Variants in SEMA6D observed in about 807,000 individuals in gnomAD.
SEMA6D encodes the protein semaphorin-6D.
In SEMA6D, 35 loss-of-function variants were observed where a neutral mutation model predicts 106.6. The observed-to-expected ratio is 0.33, with a 90% CI of 0.25 to 0.44. The LOEUF (loss-of-function observed/expected upper bound fraction) is 0.44. Among genes scored for constraint, SEMA6D ranks in the 20% least tolerant of loss-of-function variants. The pLI is 1.00. For synonymous variants in SEMA6D, 499 were observed against 487.7 expected (o/e 1.02, Z -0.31); for missense variants, 1,185 against 1,345.9 (o/e 0.88, Z 1.87).
chr15:47,708,122 C>T (rs2078948207), intron 4 of SEMA6D, among the ~76,000 whole-genome samples: 1 of 152,192 alleles, frequency 6.6e-6, no homozygotes, highest in African/African-American at 2.4e-5. Flanking sequence ...TATCCTCCGG[C>T]TTGAGACAGC....
At chr15:47,715,185 A>G (rs1393047802), upstream of SEMA6D, among the ~76,000 whole-genome samples, 1 of 152,190 alleles carries the variant, frequency 6.6e-6, no homozygotes, top group African/African-American at 2.4e-5. Flanking sequence ...ACCATGAAAC[A>G]GTGTGGCACA....
At chr15:47,707,687 T>C (rs963317831) in intron 4 of SEMA6D, among the ~76,000 whole-genome samples, 1 of 152,220 alleles carries the variant, frequency 6.6e-6, no homozygotes, top group African/African-American at 2.4e-5. Context: ...GGATTTCCTC[T>C]TACTTTTTCA....
At chr15:47,572,855 T>G (rs1332332622) in intron 3 of SEMA6D, among the ~76,000 whole-genome samples, 5 of 152,208 alleles carry the variant, frequency 3.3e-5, no homozygotes, top group Non-Finnish European at 7.3e-5. Context: ...TGCCAGATAC[T>G]ATGTTAGGTT....
At position 47,767,098 on chromosome 15, in the gene SEMA6D, G is replaced by GT. The variant is rs768641948; in HGVS notation, c.1765+13dup. On this transcript the variant is annotated splice_donor_region_variant and intron_variant, in intron 17 of 18. Transcript: ENST00000536845. ...TATTTGGCGGTCCAACATCTGGTTA[G>GT]TTTTTTTTAATTTTTTTGAATTAAC... 1.3e-3 allele frequency: 2,041 copies of GT among 1,555,198 alleles called. 5 individuals carry two copies. Among genetic ancestry groups the GT allele is most frequent in the Non-Finnish European group, 1.7e-3 (1,927 of 1,145,492 alleles).
At chr15:47,400,347 G>A (rs373971461) in intron 1 of SEMA6D, among the ~76,000 whole-genome samples, 1 of 151,876 alleles carries the variant, frequency 6.6e-6, no homozygotes, top group Non-Finnish European at 1.5e-5. Context: ...AAAATTAGCC[G>A]GTGTGGTGGT....
rs1054787144 is a variant in SEMA6D at position 47,578,255 on chromosome 15, G to A, written c.-86-22610G>A. ...TACATCAATGAGACTTATTGAATGA[G>A]TGAATATAGGAAAATAAAATTACAC... On this transcript the variant is annotated intron_variant, in intron 3 of 19. Coordinates refer to the SEMA6D transcript ENST00000558014. 3.9e-5 allele frequency among the ~76,000 whole-genome samples: 6 copies of A among 152,288 alleles called. No individual in the cohort carries two copies. The East Asian group carries it at 1.2e-3, about 29-fold the overall frequency.
intron 3 of SEMA6D, among the ~76,000 whole-genome samples, chr15:47,573,237 C>G (rs2076094191): frequency 6.6e-6 from 1 of 151,772 alleles, no homozygotes. Context: ...GAACAAAGTA[C>G]TTAATTAAAA....
At chr15:47,359,061 A>G (rs963706422) in intron 1 of SEMA6D, among the ~76,000 whole-genome samples, 2 of 152,070 alleles carry the variant, frequency 1.3e-5, no homozygotes, top group Non-Finnish European at 2.9e-5. Flanking sequence ...GCCCTTAGGT[A>G]TCTAGATGCA....
At chr15:47,616,299 A>G (rs932215583) in intron 4 of SEMA6D, among the ~76,000 whole-genome samples, 7 of 151,896 alleles carry the variant, frequency 4.6e-5, no homozygotes, top group Non-Finnish European at 4.4e-5. Flanking sequence ...CCTCCCAAGT[A>G]GCTGGGACTA....
intron 4 of SEMA6D, among the ~76,000 whole-genome samples, chr15:47,696,200 A>G (rs1452000493): frequency 6.6e-6 from 1 of 152,156 alleles, no homozygotes; most frequent in Non-Finnish European, 1.5e-5. Flanking sequence ...TTTCAATTCA[A>G]AATTTCATTA....
At chr15:47,568,665 T>C (rs922047108) in intron 3 of SEMA6D, among the ~76,000 whole-genome samples, 1 of 152,184 alleles carries the variant, frequency 6.6e-6, no homozygotes, top group South Asian at 2.1e-4. Context: ...GTATTTATTA[T>C]GTGTCCTCAG....
At chr15:47,524,096 A>G (rs999242027) in intron 3 of SEMA6D, among the ~76,000 whole-genome samples, 3 of 152,200 alleles carry the variant, frequency 2.0e-5, no homozygotes, top group African/African-American at 7.2e-5. Flanking sequence ...TGAGATATCT[A>G]TCATAAAATC....
chr15:47,607,432 T>C (rs1270045752), intron 4 of SEMA6D, among the ~76,000 whole-genome samples: 3 of 152,204 alleles, frequency 2.0e-5, no homozygotes, highest in Admixed American at 2.0e-4. Context: ...AGCAGCAGCA[T>C]GTAACTCAGA....
intron 2 of SEMA6D, among the ~76,000 whole-genome samples, chr15:47,417,924 A>G (rs1279906744): frequency 6.6e-6 from 1 of 152,058 alleles, no homozygotes; most frequent in Non-Finnish European, 1.5e-5. Context: ...AGTAAACCCA[A>G]CAGATAAAAA....
intron 3 of SEMA6D, among the ~76,000 whole-genome samples, chr15:47,503,633 A>G (rs1000674840): frequency 6.6e-6 from 1 of 152,086 alleles, no homozygotes; most frequent in Non-Finnish European, 1.5e-5. Flanking sequence ...TTTGGGGGAA[A>G]CATCAGTATC....
chr15:47,430,843 T>C (rs1281523665), intron 2 of SEMA6D, among the ~76,000 whole-genome samples: 2 of 152,016 alleles, frequency 1.3e-5, no homozygotes. Context: ...AGCCTCTTAG[T>C]TGAGGTGGGA....
chr15:47,578,799 A>T (rs1195636443), intron 3 of SEMA6D, among the ~76,000 whole-genome samples: 1 of 152,174 alleles, frequency 6.6e-6, no homozygotes, highest in Non-Finnish European at 1.5e-5. Context: ...TAACTAAATG[A>T]TCTATGTGTA....
At chr15:47,557,622 ATTGT>A (rs2045951851) in intron 3 of SEMA6D, among the ~76,000 whole-genome samples, 1 of 152,126 alleles carries the variant, frequency 6.6e-6, no homozygotes, top group Non-Finnish European at 1.5e-5. Context: ...CAGAACTGAT[ATTGT>A]CATTAAAGTT....
intron 3 of SEMA6D, among the ~76,000 whole-genome samples, chr15:47,516,810 A>G (rs58766244): frequency 0.018 from 2,751 of 152,308 alleles, 96 homozygotes; most frequent in African/African-American, 0.063. Flanking sequence ...ATATTCTCCT[A>G]GAGCTAATCC....
Sources: allele counts gnomAD v4.1 joint callset (sites outside exome capture counted in the v4.1 genomes callset), GRCh38; gene constraint gnomAD v4.1.1; transcripts MANE v1.5; gene names NCBI Gene and HGNC (gene_info 2026-07-23, HGNC 2026-07-21).